The following PROSER1 variants were observed in gnomAD, a reference collection of about 807,000 sequenced individuals.
PROSER1 encodes proline and serine-rich protein 1.
In PROSER1, 36 loss-of-function variants were observed where a neutral mutation model predicts 71.8. That is an observed-to-expected ratio of 0.50 (90% confidence interval 0.38 to 0.66). PROSER1 has a LOEUF of 0.66. Ranked by LOEUF, PROSER1 falls within the 30% of genes least tolerant of loss-of-function variation. The pLI is 0.00. For synonymous variants in PROSER1, 490 were observed against 452.4 expected (o/e 1.08, Z -1.06); for missense variants, 1,107 against 1,135.0 (o/e 0.98, Z 0.35).
intron 9 of PROSER1, 132 bp downstream of exon 9, chr13:39,022,194 T>C: frequency 1.5e-6 from 1 of 667,264 alleles, no homozygotes; most frequent in East Asian, 2.6e-5. Flanking sequence ...TACCAAGGAT[T>C]CACTTCCAGA....
rs2138106855 is a variant in PROSER1 at position 39,017,625 on chromosome 13, G to T, written c.731-81C>A. ...TAATAAACAGATATTTGGATAAAAA[G>T]AAAAACACAGGATATAAATATTTAT... On this transcript the variant is annotated intron_variant, in intron 9 of 12. Transcript: ENST00000352251. 4 of 724,038 alleles carry T rather than the reference G, an allele frequency of 5.5e-6. No individual in the cohort carries two copies. In the East Asian group the frequency reaches 1.1e-4, roughly 21 times the overall value. The allele number at this position is 724,038 out of a possible 1,614,324, so 44.9% of individuals were successfully genotyped here.
intron 2 of PROSER1, among the ~76,000 whole-genome samples, chr13:39,033,121 T>C (rs1046863296): frequency 6.6e-6 from 1 of 152,204 alleles, no homozygotes; most frequent in Non-Finnish European, 1.5e-5. Context: ...GGTTTTGCCA[T>C]GTTGGCCAGT....
chr13:39,011,596 G>T, intron 12 of PROSER1, 109 bp from the exon 13 acceptor site: 1 of 1,130,624 alleles, frequency 8.8e-7, no homozygotes, highest in Non-Finnish European at 1.2e-6. Flanking sequence ...AGAAAGACAA[G>T]ACAAAACTCT....
In PROSER1 at chr13:39,013,549, G is replaced by C. The variant is rs368423102; in HGVS notation, c.1703C>G (p.Ser568Cys). 15 of 1,614,032 alleles carry C rather than the reference G, an allele frequency of 9.3e-6. No individual in the cohort carries two copies. In the African/African-American group the frequency reaches 1.9e-4, roughly 20 times the overall value. Residue 568 changes from serine to cysteine, a missense_variant, in exon 11 of 13, where the codon TCC becomes TGC. By Grantham distance (112) the Ser-to-Cys change is moderately radical (BLOSUM62 -1). Transcript: ENST00000352251. ...QSPLATAASA[S>C]TSVPVSCGSS... ...GCCACAGCTAACTGGCACTGACGTGGAAGCTGATGCAGCAGTGGCTAAAGG... is the reference window on the plus strand; with the variant it reads ...GCCACAGCTAACTGGCACTGACGTGCAAGCTGATGCAGCAGTGGCTAAAGG...
chr13:39,037,195 T>C lies in PROSER1; in HGVS notation c.45+3A>G. 6.3e-6 allele frequency: 10 copies of C among 1,592,624 alleles called. No individual in the cohort carries two copies. Among genetic ancestry groups the C allele is most frequent in the Non-Finnish European group, 8.6e-6 (10 of 1,160,418 alleles). ...AAATAATTCATGGAATCGGTCTAATTACCTTTCTAATTTCATCCAGCACCA... is the reference window on the plus strand; with the variant it reads ...AAATAATTCATGGAATCGGTCTAATCACCTTTCTAATTTCATCCAGCACCA... On this transcript the variant is annotated splice_donor_region_variant and intron_variant, in intron 1 of 12. Transcript: ENST00000352251.
At chr13:39,033,280 A>G (rs563581321) in intron 2 of PROSER1, among the ~76,000 whole-genome samples, 61 of 152,378 alleles carry the variant, frequency 4.0e-4, no homozygotes, top group African/African-American at 1.2e-3. Context: ...GAAAGCTGAA[A>G]AACTGACATA....
Position 39,037,507 on chromosome 13 carries a change from G to A in PROSER1, c.-265C>T, listed in dbSNP as rs1015131010. The A allele has an allele frequency of 7.5e-5, 28 of 372,160 alleles. No individual in the cohort carries two copies. Among genetic ancestry groups the A allele is most frequent in the African/African-American group, 4.4e-4 (21 of 47,944 alleles). 23.1% of individuals were successfully genotyped at this position (372,160 alleles called of 1,614,324 possible). On this transcript the variant is annotated 5_prime_UTR_variant, in exon 1 of 13. Coordinates refer to ENST00000352251, the MANE Select transcript of PROSER1 (RefSeq NM_025138.5). ...CAGCTTATTCACACAATGGTTCAGG[G>A]CACCTCGGGCAAGAGCCAGGTCCTC...
intron 5 of PROSER1, among the ~76,000 whole-genome samples, chr13:39,027,034 C>A (rs543602337): frequency 1.6e-4 from 25 of 152,046 alleles, no homozygotes; most frequent in African/African-American, 6.0e-4. Context: ...CTGTATTAGG[C>A]AACATATATT....
chr13:39,022,301 T>C (rs757332854), intron 9 of PROSER1, 25 bp downstream of exon 9: 2 of 1,494,716 alleles, frequency 1.3e-6, no homozygotes, highest in South Asian at 1.1e-5. Context: ...ATAAGTTACT[T>C]AAACACCCCC....
In PROSER1 at chr13:39,024,380, T is replaced by C. The variant is rs1870442516; in HGVS notation, c.564+93A>G. 1.0e-5 allele frequency: 9 copies of C among 887,248 alleles called. No homozygotes were observed. In the East Asian group the frequency reaches 2.3e-4, roughly 23 times the overall value. 55.0% of individuals were successfully genotyped at this position (887,248 alleles called of 1,614,324 possible). ...CTACAATTTCTAGAATACTTCAAAC[T>C]TTGCAACACAAAAATAAAATTTATG... On this transcript the variant is annotated intron_variant, in intron 7 of 12. Transcript: ENST00000352251.
In PROSER1 at chr13:39,012,529, C is replaced by G. The variant is rs528431652; in HGVS notation, c.2561+162G>C. 19 of 663,810 alleles carry G rather than the reference C, an allele frequency of 2.9e-5. No homozygotes were observed. In the East Asian group the frequency reaches 5.0e-4, roughly 17 times the overall value. The allele number at this position is 663,810 out of a possible 1,614,324, so 41.1% of individuals were successfully genotyped here. A position where few individuals can be genotyped will look rare whatever the true frequency, so the allele number is the denominator to read the frequency against. On this transcript the variant is annotated intron_variant, in intron 11 of 12. Transcript: ENST00000352251. Reference sequence around the variant, plus strand: ...TATCAACAGGCATTAATATTTTATACATTTATCTTAACATGGTTCATAAAA... The same window carrying G: ...TATCAACAGGCATTAATATTTTATAGATTTATCTTAACATGGTTCATAAAA...
intron 12 of PROSER1, 55 bp from the exon 13 acceptor site, chr13:39,011,542 C>T (rs1246116604): frequency 2.5e-5 from 40 of 1,584,926 alleles, no homozygotes; most frequent in Non-Finnish European, 2.9e-5. Context: ...TTCAAGCCTG[C>T]GCTTGCTTCT....
At chr13:39,020,041 A>G (rs982052559) in intron 9 of PROSER1, among the ~76,000 whole-genome samples, 1 of 151,210 alleles carries the variant, frequency 6.6e-6, no homozygotes, top group Admixed American at 6.6e-5. Flanking sequence ...AACTCAGCTG[A>G]TATTATTTTA....
chr13:39,037,117 A>C (rs1269368390), intron 1 of PROSER1, 81 bp downstream of exon 1: 8 of 1,082,696 alleles, frequency 7.4e-6, no homozygotes, highest in Non-Finnish European at 1.1e-5. Context: ...TATTCTGCAC[A>C]ATCTCCATAC....
chr13:39,023,309 T>C, intron 7 of PROSER1, 179 bp from the exon 8 acceptor site: 1 of 535,876 alleles, frequency 1.9e-6, no homozygotes, highest in East Asian at 3.0e-5. Context: ...GTGGTTGCTA[T>C]TAAATTCCAA....
chr13:39,022,420 A>G lies in PROSER1; in HGVS notation c.644-8T>C, dbSNP rs374748048. 76 of 1,602,884 alleles carry G rather than the reference A, an allele frequency of 4.7e-5. No homozygotes were observed. Among genetic ancestry groups the G allele is most frequent in the Middle Eastern group, 3.3e-4 (2 of 6,056 alleles). Reference sequence around the variant, plus strand: ...CTGCATTGTTATAAGCACCTAAAATAAAAACACAATAGAAAAAAATATACC... The same window carrying G: ...CTGCATTGTTATAAGCACCTAAAATGAAAACACAATAGAAAAAAATATACC... On this transcript the variant is annotated splice_region_variant and splice_polypyrimidine_tract_variant and intron_variant, in intron 8 of 12. Transcript: ENST00000352251.
intron 1 of PROSER1, among the ~76,000 whole-genome samples, 161 bp downstream of exon 1, chr13:39,037,037 A>G (rs1267043566): frequency 6.6e-6 from 1 of 152,192 alleles, no homozygotes; most frequent in Non-Finnish European, 1.5e-5. Flanking sequence ...TTTGTACTGG[A>G]AACGTATCAA....
At chr13:39,022,086 T>G (rs1168237192) in intron 9 of PROSER1, among the ~76,000 whole-genome samples, 1 of 152,220 alleles carries the variant, frequency 6.6e-6, no homozygotes, top group Non-Finnish European at 1.5e-5. Flanking sequence ...CACCTAATAT[T>G]CATTAAACAT....
Position 39,011,275 on chromosome 13 carries a change from T to A in PROSER1, c.*90A>T. On this transcript the variant is annotated 3_prime_UTR_variant, in exon 13 of 13. Coordinates refer to ENST00000352251, the MANE Select transcript of PROSER1 (RefSeq NM_025138.5). ...ATTACCCTCATTCTCATTTTCCGAC[T>A]TTTGGCCAGCTTCACATTTGTCAGA... The A allele has an allele frequency of 7.2e-7, 1 of 1,382,746 alleles. No homozygotes were observed. The highest frequency in any genetic ancestry group is 2.0e-5 in the Admixed American group (1 of 49,882). 85.7% of individuals were successfully genotyped at this position (1,382,746 alleles called of 1,614,324 possible).
Sources: gnomAD v4.1 joint callset for allele counts (sites outside exome capture counted in the v4.1 genomes callset) on GRCh38, gnomAD v4.1.1 for gene constraint, MANE v1.5 for transcripts, NCBI Gene and HGNC (gene_info 2026-07-23, HGNC 2026-07-21) for gene names.